Variants in EXOC4 observed in about 807,000 individuals in gnomAD.
The protein encoded by EXOC4 is exocyst complex component 4.
In EXOC4, 71 loss-of-function variants were observed where a neutral mutation model predicts 107.2. The observed-to-expected ratio is 0.66, with a 90% CI of 0.55 to 0.81. EXOC4 has a LOEUF of 0.81. Ranked by LOEUF, EXOC4 falls within the 30% of genes least tolerant of loss-of-function variation. EXOC4 has a pLI of 0.00. For synonymous variants in EXOC4, 456 were observed against 441.2 expected (o/e 1.03, Z -0.42); for missense variants, 1,108 against 1,189.6 (o/e 0.93, Z 1.01).
rs1794354338 is a variant in EXOC4, at chr7:133,688,491, T to G, written c.1514+58350T>G. ...GTGATGATTATTTTTCTTTTGGGAC[T>G]GATAAGAAAAGAAATGGTGCCCAAT... On this transcript the variant is annotated intron_variant, in intron 10 of 17. Coordinates refer to ENST00000253861, the MANE Select transcript of EXOC4 (RefSeq NM_021807.4). Among the ~76,000 whole-genome samples, 4 of 152,196 alleles carry G rather than the reference T, an allele frequency of 2.6e-5. No individual in the cohort carries two copies. In the South Asian group the frequency reaches 8.3e-4, roughly 31 times the overall value.
At chr7:133,334,112 C>T (rs1795454793) in intron 5 of EXOC4, among the ~76,000 whole-genome samples, 1 of 152,106 alleles carries the variant, frequency 6.6e-6, no homozygotes, top group Non-Finnish European at 1.5e-5. Context: ...TTGAGTTCTC[C>T]TAGATCTCAG....
At chr7:134,091,105 A>G in the EXOC4 span, among the ~76,000 whole-genome samples, 1 of 152,146 alleles carries the variant, frequency 6.6e-6, no homozygotes, top group Non-Finnish European at 1.5e-5. Flanking sequence ...GTCCTGATCC[A>G]GACCCCAAGA....
intron 10 of EXOC4, among the ~76,000 whole-genome samples, chr7:133,747,470 A>C (rs1795700602): frequency 6.6e-6 from 1 of 152,222 alleles, no homozygotes; most frequent in Non-Finnish European, 1.5e-5. Flanking sequence ...TACAGGGAAT[A>C]AACTTGGCAT....
At chr7:133,771,181 C>G (rs1388488179) in intron 10 of EXOC4, 1 of 151,924 alleles carries the variant, frequency 6.6e-6, no homozygotes, top group Non-Finnish European at 1.5e-5. Context: ...ACTGGAAAGG[C>G]AAGTTGGCAC....
chr7:133,964,399 T>A (rs1282953965), intron 14 of EXOC4, among the ~76,000 whole-genome samples: 3 of 152,068 alleles, frequency 2.0e-5, no homozygotes, highest in Non-Finnish European at 2.9e-5. Flanking sequence ...TACCTAGGTA[T>A]ACACGGGCCA....
At chr7:133,604,813 T>A (rs1801900335) in intron 9 of EXOC4, among the ~76,000 whole-genome samples, 1 of 130,990 alleles carries the variant, frequency 7.6e-6, no homozygotes, top group Non-Finnish European at 1.6e-5. Flanking sequence ...AACCCCCACC[T>A]CCCGGATTTA....
intron 17 of EXOC4, among the ~76,000 whole-genome samples, chr7:134,048,184 G>T (rs773142419): frequency 6.6e-6 from 1 of 152,230 alleles, no homozygotes; most frequent in South Asian, 2.1e-4. Flanking sequence ...AGTATCTTAA[G>T]CACTGATCTT....
intron 13 of EXOC4, among the ~76,000 whole-genome samples, chr7:133,925,119 C>T (rs1020193104): frequency 2.6e-5 from 4 of 152,174 alleles, no homozygotes; most frequent in Admixed American, 6.5e-5. Context: ...CAATCTCCCC[C>T]TATAATTAGT....
intron 9 of EXOC4, among the ~76,000 whole-genome samples, chr7:133,483,140 C>T (rs1336497294): frequency 6.6e-6 from 1 of 152,210 alleles, no homozygotes; most frequent in Non-Finnish European, 1.5e-5. Flanking sequence ...GTGCTTCTCA[C>T]AGCACCTGGT....
intron 5 of EXOC4, among the ~76,000 whole-genome samples, chr7:133,351,580 C>T (rs552912462): frequency 9.3e-4 from 141 of 151,776 alleles, no homozygotes; most frequent in African/African-American, 3.3e-3. Flanking sequence ...CTATTTTTTT[C>T]TTAGTTCACC....
intron 11 of EXOC4, among the ~76,000 whole-genome samples, chr7:133,857,263 ATATATATATACACG>A (rs1297145948): frequency 4.4e-5 from 2 of 45,182 alleles, no homozygotes; most frequent in African/African-American, 2.9e-4. Flanking sequence ...ATATATATAT[ATATATATATACACG>A]TATATATATA....
At chr7:133,575,086 T>G (rs1801100397) in intron 9 of EXOC4, among the ~76,000 whole-genome samples, 1 of 152,210 alleles carries the variant, frequency 6.6e-6, no homozygotes, top group Non-Finnish European at 1.5e-5. Flanking sequence ...AGTTTTAAAT[T>G]GATTTTTTTT....
At chr7:133,288,316 G>C (rs1445516812) in intron 2 of EXOC4, among the ~76,000 whole-genome samples, 1 of 152,138 alleles carries the variant, frequency 6.6e-6, no homozygotes, top group African/African-American at 2.4e-5. Context: ...CAGATCTACA[G>C]GTGGTGGAGA....
At chr7:133,371,355 T>C (rs1339210432) in intron 6 of EXOC4, among the ~76,000 whole-genome samples, 1 of 152,184 alleles carries the variant, frequency 6.6e-6, no homozygotes, top group African/African-American at 2.4e-5. Flanking sequence ...CCAGCACGTT[T>C]ATGTCCTCCC....
At chr7:133,758,026 G>A (rs919482040) in intron 10 of EXOC4, among the ~76,000 whole-genome samples, 4 of 152,070 alleles carry the variant, frequency 2.6e-5, no homozygotes, top group Non-Finnish European at 5.9e-5. Context: ...GTTCAGTTGG[G>A]GGAATTTTGA....
In EXOC4 at chr7:133,857,277, GTA is replaced by G. The variant is rs1162067827; in HGVS notation, c.1735-38303_1735-38302del. Among the ~76,000 whole-genome samples, 3 of 5,850 alleles carry G rather than the reference GTA, an allele frequency of 5.1e-4. 1 individual carries two copies. Among genetic ancestry groups the G allele is most frequent in the Non-Finnish European group, 8.1e-4 (3 of 3,692 alleles). The allele number at this position is 5,850 out of a possible 152,430, so 3.8% of individuals were successfully genotyped here. On this transcript the variant is annotated intron_variant, in intron 11 of 17. Coordinates refer to ENST00000253861, the MANE Select transcript of EXOC4 (RefSeq NM_021807.4). ...TATATATATATATATATATATACAC[GTA>G]TATATATATATATATATACACGTAT... is the stretch of plus-strand genomic sequence containing the variant.
chr7:133,935,391 G>C (rs927892323), intron 13 of EXOC4, among the ~76,000 whole-genome samples: 1 of 152,116 alleles, frequency 6.6e-6, no homozygotes, highest in Admixed American at 6.5e-5. Context: ...TTCATCTTAA[G>C]TTGGGCACAT....
chr7:133,845,335 AGTGTGTGT>A (rs34845137), intron 11 of EXOC4, among the ~76,000 whole-genome samples: 1 of 138,010 alleles, frequency 7.2e-6, no homozygotes, highest in East Asian at 2.1e-4. Flanking sequence ...GCAGGTTAGT[AGTGTGTGT>A]GTGTGTGTGT....
At chr7:133,733,747 G>A (rs140378390) in intron 10 of EXOC4, among the ~76,000 whole-genome samples, 53 of 152,150 alleles carry the variant, frequency 3.5e-4, no homozygotes, top group African/African-American at 1.1e-3. Context: ...CACTTGACAC[G>A]TCTAGGTGTC....
Sources: allele counts gnomAD v4.1 joint callset (sites outside exome capture counted in the v4.1 genomes callset), GRCh38; gene constraint gnomAD v4.1.1; transcripts MANE v1.5; gene names NCBI Gene and HGNC (gene_info 2026-07-23, HGNC 2026-07-21).